The following CDK5RAP2 variants were observed in gnomAD, a reference collection of about 807,000 sequenced individuals.
CDK5RAP2 encodes the protein CDK5 regulatory subunit associated protein 2.
Under a neutral mutation model 232.9 loss-of-function variants are expected in CDK5RAP2, and 147 were observed. The observed-to-expected ratio is 0.63, with a 90% CI of 0.55 to 0.72. The LOEUF (loss-of-function observed/expected upper bound fraction) is 0.72. Among genes scored for constraint, CDK5RAP2 ranks in the 30% least tolerant of loss-of-function variants. The pLI, the probability that CDK5RAP2 is intolerant of heterozygous loss-of-function variation, is 0.00. For synonymous variants in CDK5RAP2, 833 were observed against 833.7 expected, an observed-to-expected ratio of 1.00 and a Z score of 0.01; for missense variants, 2,195 against 2,231.5, an observed-to-expected ratio of 0.98 and a Z score of 0.33.
At chr9:120,569,829 AG>A (rs1336345822) in intron 2 of CDK5RAP2, among the ~76,000 whole-genome samples, 1 of 152,216 alleles carries the variant, frequency 6.6e-6, no homozygotes, top group Non-Finnish European at 1.5e-5. Flanking sequence ...GAAACCAGTT[AG>A]GAGAATATTG....
intron 28 of CDK5RAP2, among the ~76,000 whole-genome samples, chr9:120,412,999 C>T (rs116928335): frequency 1.1e-3 from 174 of 152,302 alleles, no homozygotes; most frequent in Non-Finnish European, 1.9e-3. Flanking sequence ...TCAGGCAAAT[C>T]GCATCACTTC....
At position 120,545,697 on chromosome 9, in the gene CDK5RAP2, C is replaced by G. The variant is rs995617460; in HGVS notation, c.383+17G>C. The G allele has an allele frequency of 3.1e-6, 5 of 1,604,480 alleles. No homozygotes were observed. The highest frequency in any genetic ancestry group is 1.7e-5 in the Admixed American group (1 of 59,998). ...GTGTGGGCGACTTGCAAGCTTTCAA[C>G]GGATGATGGTACTCACGAGGCTTTG... On this transcript the variant is annotated intron_variant, in intron 5 of 37. Coordinates refer to ENST00000349780, the MANE Select transcript of CDK5RAP2 (RefSeq NM_018249.6).
At position 120,527,793 on chromosome 9, in the gene CDK5RAP2, G is replaced by T; in HGVS notation, c.999+13C>A. On this transcript the variant is annotated intron_variant, in intron 10 of 37. Coordinates refer to ENST00000349780, the MANE Select transcript of CDK5RAP2 (RefSeq NM_018249.6). Reference sequence around the variant, plus strand: ...AATAAAGAAAAATCTTACTTCAAGTGTATCAGACATACCTTTTTTTCCTTT... The same window carrying T: ...AATAAAGAAAAATCTTACTTCAAGTTTATCAGACATACCTTTTTTTCCTTT... 1 of 1,612,576 alleles carries T rather than the reference G, an allele frequency of 6.2e-7. No homozygotes were observed. The highest frequency in any genetic ancestry group is 8.5e-7 in the Non-Finnish European group (1 of 1,179,818).
chr9:120,518,219 G>C lies in CDK5RAP2; in HGVS notation c.1311+208C>G, dbSNP rs879316775. ...TGTGTGTGTGTGTGTGTGAGAGAGA[G>C]AGAGAGAGAGAGAGAGAGAGAGAGC... is the stretch of plus-strand genomic sequence containing the variant. On this transcript the variant is annotated intron_variant, in intron 12 of 37. Transcript: ENST00000349780. 7.1e-3 allele frequency among the ~76,000 whole-genome samples: 749 copies of C among 105,778 alleles called. 1 individual carries two copies. Among genetic ancestry groups the C allele is most frequent in the Non-Finnish European group, 0.011 (565 of 53,328 alleles). 69.4% of individuals were successfully genotyped at this position (105,778 alleles called of 152,430 possible).
Position 120,439,410 on chromosome 9 carries a change from G to A in CDK5RAP2, c.3711C>T (p.Leu1237=). 2 of 1,613,884 alleles carry A rather than the reference G, an allele frequency of 1.2e-6. No homozygotes were observed. The highest frequency in any genetic ancestry group is 1.7e-6 in the Non-Finnish European group (2 of 1,179,838). Residue 1237 remains leucine, a synonymous_variant, in exon 24 of 38, where the codon CTC becomes CTT. Coordinates refer to ENST00000349780, the MANE Select transcript of CDK5RAP2 (RefSeq NM_018249.6). ...IHNLQNKFRD[L]SPPRYDSLVQ... is the part of the protein sequence containing the mutation. ...GAGGTGGAACGTACCTGGGAGGTGA[G>A]AGATCTCTGAACTTATTCTGCAGAT...
chr9:120,453,345 A>G (rs2036576460), intron 21 of CDK5RAP2, 111 bp downstream of exon 21: 1 of 991,138 alleles, frequency 1.0e-6, no homozygotes, highest in South Asian at 1.6e-5. Flanking sequence ...AGAGGGAGAC[A>G]CTGGACATTC....
intron 2 of CDK5RAP2, among the ~76,000 whole-genome samples, chr9:120,571,303 TC>T (rs1165197614): frequency 2.6e-5 from 4 of 152,198 alleles, no homozygotes; most frequent in Admixed American, 2.6e-4. Context: ...CTTGCACATA[TC>T]TCAGCACTGT....
At chr9:120,489,668 T>A (rs1026278752) in intron 13 of CDK5RAP2, among the ~76,000 whole-genome samples, 2 of 152,216 alleles carry the variant, frequency 1.3e-5, no homozygotes, top group Admixed American at 1.3e-4. Context: ...TTTCCAAATA[T>A]CTTTTTTGTC....
intron 22 of CDK5RAP2, among the ~76,000 whole-genome samples, chr9:120,446,516 G>A (rs915462030): frequency 1.4e-4 from 21 of 152,096 alleles, no homozygotes; most frequent in African/African-American, 4.3e-4. Context: ...GTGAGACACC[G>A]CACTCGGCCT....
chr9:120,522,595 C>T (rs1242476927), intron 11 of CDK5RAP2, among the ~76,000 whole-genome samples: 1 of 152,184 alleles, frequency 6.6e-6, no homozygotes, highest in Non-Finnish European at 1.5e-5. Flanking sequence ...TGCATTTTTA[C>T]TTTAATAGCT....
At chr9:120,517,502 A>G (rs1395745637) in intron 12 of CDK5RAP2, among the ~76,000 whole-genome samples, 1 of 152,190 alleles carries the variant, frequency 6.6e-6, no homozygotes, top group African/African-American at 2.4e-5. Context: ...CCTGATTGCA[A>G]CAAGGCTACG....
chr9:120,493,033 G>A (rs1305404934), intron 12 of CDK5RAP2, among the ~76,000 whole-genome samples: 1 of 152,198 alleles, frequency 6.6e-6, no homozygotes, highest in Non-Finnish European at 1.5e-5. Context: ...CAAAGCAGTG[G>A]TTCTAAAGTA....
At chr9:120,544,571 T>C (rs948515009) in intron 5 of CDK5RAP2, among the ~76,000 whole-genome samples, 15 of 152,246 alleles carry the variant, frequency 9.9e-5, no homozygotes, top group Admixed American at 3.9e-4. Context: ...AAGGGAATTA[T>C]ACTGGCCTGG....
At chr9:120,409,058 C>T in intron 30 of CDK5RAP2, 69 bp downstream of exon 30, 2 of 1,489,214 alleles carry the variant, frequency 1.3e-6, no homozygotes, top group South Asian at 2.3e-5. Flanking sequence ...CGTGCTGATT[C>T]CACGACTGCA....
In CDK5RAP2 at chr9:120,458,619, T is replaced by C. The variant is rs2036915944; in HGVS notation, c.2206A>G (p.Met736Val). 3.1e-6 allele frequency: 5 copies of C among 1,613,866 alleles called. No individual in the cohort carries two copies. Among genetic ancestry groups the C allele is most frequent in the Non-Finnish European group, 4.2e-6 (5 of 1,179,870 alleles). Reference sequence around the variant, plus strand: ...CAGCCTCCTTTGGAAAGGTCTTTCATAATCTGCAAATAAAAGTATTTGGTC... The same window carrying C: ...CAGCCTCCTTTGGAAAGGTCTTTCACAATCTGCAAATAAAAGTATTTGGTC... ...DQHLQQSNEI[M>V]KDLSKGGCKN... The change falls in exon 20 of 38, where the codon ATG (methionine) becomes GTG (valine). Residue 736 changes from methionine (M) to valine (V), a missense_variant. Physicochemically the swap from Met to Val is conservative, Grantham distance 21. Coordinates refer to ENST00000349780, the MANE Select transcript of CDK5RAP2 (RefSeq NM_018249.6).
intron 35 of CDK5RAP2, among the ~76,000 whole-genome samples, chr9:120,400,126 TTC>T (rs1459104405): frequency 6.6e-6 from 1 of 152,206 alleles, no homozygotes; most frequent in East Asian, 1.9e-4. Flanking sequence ...CCAGGGAGGT[TTC>T]TCTGATTAGC....
chr9:120,403,811 T>TCC lies in CDK5RAP2; in HGVS notation c.5041+224_5041+225insGG. On this transcript the variant is annotated intron_variant, in intron 33 of 37. Coordinates refer to ENST00000349780, the MANE Select transcript of CDK5RAP2 (RefSeq NM_018249.6). The surrounding 1 kb of genome is among the most constrained non-coding windows in gnomAD (Gnocchi z 4.2). Reference sequence around the variant, plus strand: ...CACAAAGGTGGTCACAATTTTAATCTAAGGCAAGAGGGACCCAATGATGTT... The same window carrying TCC: ...CACAAAGGTGGTCACAATTTTAATCTCCAAGGCAAGAGGGACCCAATGATGTT... 1.7e-6 allele frequency: 1 copy of TCC among 575,694 alleles called. No individual in the cohort carries two copies. The highest frequency in any genetic ancestry group is 3.1e-6 in the Non-Finnish European group (1 of 321,602). 35.7% of individuals were successfully genotyped at this position (575,694 alleles called of 1,614,324 possible).
In CDK5RAP2 at chr9:120,536,456, A is replaced by G. The variant is rs1399305812; in HGVS notation, c.578T>C (p.Leu193Ser). 4 of 1,614,158 alleles carry G rather than the reference A, an allele frequency of 2.5e-6. No homozygotes were observed. The South Asian group carries it at 3.3e-5, about 13-fold the overall frequency. The stretch of plus-strand genomic sequence containing the variant: ...CTCTGAAAGCTTGCTTTCCAAACGC[A>G]ACCGAAGAGCCTTCTCCGTCTCTGT... ...AGTETEKALR[L>S]RLESKLSEMK... The change falls in exon 7 of 38, where the codon TTG (leucine) becomes TCG (serine). Residue 193 changes from leucine to serine, a missense_variant. Physicochemically the swap from Leu to Ser is moderately radical, Grantham distance 145. Coordinates refer to ENST00000349780, the MANE Select transcript of CDK5RAP2 (RefSeq NM_018249.6).
intron 13 of CDK5RAP2, among the ~76,000 whole-genome samples, chr9:120,490,309 G>A (rs1260940114): frequency 2.0e-5 from 3 of 152,164 alleles, no homozygotes; most frequent in African/African-American, 4.8e-5. Context: ...TCTCCTCTCT[G>A]AGGCATCTCA....
Sources: gnomAD v4.1 joint callset for allele counts (sites outside exome capture counted in the v4.1 genomes callset) on GRCh38, gnomAD v4.1.1 for gene constraint, Gnocchi (gnomAD v3.1) non-coding constraint, MANE v1.5 for transcripts, NCBI Gene and HGNC (gene_info 2026-07-23, HGNC 2026-07-21) for gene names.